The following LRFN2 variants were observed in gnomAD, a reference collection of about 807,000 sequenced individuals.
The protein encoded by LRFN2 is leucine-rich repeat and fibronectin type-III domain-containing protein 2.
LRFN2 carries 18 observed loss-of-function variants against 37.3 expected under a neutral mutation model. The ratio of observed to expected loss-of-function variants is 0.48; its 90% CI spans 0.33 to 0.72. The LOEUF is 0.72. Ranked by LOEUF, LRFN2 falls within the 30% of genes least tolerant of loss-of-function variation. LRFN2 has a pLI of 0.02. For synonymous variants in LRFN2, 556 were observed against 466.6 expected (o/e 1.19, Z -2.47); for missense variants, 1,006 against 1,060.7 (o/e 0.95, Z 0.72).
intron 1 of LRFN2, among the ~76,000 whole-genome samples, chr6:40,459,411 T>A (rs1481429583): frequency 6.6e-6 from 1 of 152,176 alleles, no homozygotes; most frequent in Non-Finnish European, 1.5e-5. Context: ...CTTGGAGAGG[T>A]TGTGTGTGAC....
In LRFN2 at chr6:40,391,852, A is replaced by G; in HGVS notation, c.*91T>C. The G allele has an allele frequency of 7.4e-7, 1 of 1,356,512 alleles. No homozygotes were observed. Among genetic ancestry groups the G allele is most frequent in the Non-Finnish European group, 9.9e-7 (1 of 1,012,492 alleles). The allele number at this position is 1,356,512 out of a possible 1,614,324, so 84.0% of individuals were successfully genotyped here. ...GACGAAACTGTCCCTGGATGTAAAC[A>G]TCACCATGGAAACTCCACAAACACT... On this transcript the variant is annotated 3_prime_UTR_variant, in exon 3 of 3. Transcript: ENST00000338305.
intron 2 of LRFN2, among the ~76,000 whole-genome samples, chr6:40,414,396 C>A (rs1414286628): frequency 6.6e-6 from 1 of 152,168 alleles, no homozygotes; most frequent in African/African-American, 2.4e-5. Context: ...CTCCTCCCCG[C>A]CGTAAAATCA....
intron 2 of LRFN2, among the ~76,000 whole-genome samples, chr6:40,413,920 G>A (rs939421694): frequency 1.7e-4 from 26 of 152,288 alleles, no homozygotes; most frequent in African/African-American, 5.5e-4. Context: ...TGATGGTTCC[G>A]GGGTTGTTAG....
At chr6:40,521,092 G>A (rs205527) in intron 1 of LRFN2, among the ~76,000 whole-genome samples, 307 of 152,248 alleles carry the variant, frequency 2.0e-3, no homozygotes, top group African/African-American at 6.9e-3. Flanking sequence ...GAGTCAGAGA[G>A]GACTGTGCAG....
chr6:40,540,911 T>A (rs961826550), intron 1 of LRFN2, among the ~76,000 whole-genome samples: 1 of 152,064 alleles, frequency 6.6e-6, no homozygotes, highest in Non-Finnish European at 1.5e-5. Flanking sequence ...CCAGAAGCGG[T>A]CTATCAGAGG....
intron 1 of LRFN2, among the ~76,000 whole-genome samples, chr6:40,453,777 A>T (rs1027560732): frequency 6.6e-6 from 1 of 152,134 alleles, no homozygotes; most frequent in Non-Finnish European, 1.5e-5. Context: ...GTGCCCAAGG[A>T]TCAGTAAGTC....
At chr6:40,454,221 C>T (rs531175821) in intron 1 of LRFN2, among the ~76,000 whole-genome samples, 40 of 152,278 alleles carry the variant, frequency 2.6e-4, no homozygotes, top group African/African-American at 9.1e-4. Flanking sequence ...GCTGGTGAGG[C>T]TGTAGGCAAA....
Position 40,573,292 on chromosome 6 carries a change from A to C in LRFN2, c.-19+13649T>G, listed in dbSNP as rs754390326. ...TACAGTTGGGGGGAATTTGGAAAGG[A>C]TAGGAGGCAAGCTGCAGCAGAGTGG... is the stretch of plus-strand genomic sequence containing the variant. On this transcript the variant is annotated intron_variant, in intron 1 of 2. Transcript: ENST00000338305. 2.6e-5 allele frequency among the ~76,000 whole-genome samples: 4 copies of C among 152,200 alleles called. No homozygotes were observed. In the East Asian group the frequency reaches 5.8e-4, roughly 22 times the overall value.
chr6:40,439,664 G>A (rs1306882682), intron 1 of LRFN2, among the ~76,000 whole-genome samples: 1 of 152,178 alleles, frequency 6.6e-6, no homozygotes, highest in Non-Finnish European at 1.5e-5. Flanking sequence ...GTGACATTCT[G>A]AGGTTTCATC....
At chr6:40,436,604 A>G (rs1291028266) in intron 1 of LRFN2, among the ~76,000 whole-genome samples, 10 of 151,936 alleles carry the variant, frequency 6.6e-5, no homozygotes, top group Non-Finnish European at 1.5e-5. Context: ...CCACCCTGCC[A>G]GTCCCTGTTC....
Position 40,432,485 on chromosome 6 carries a change from T to C in LRFN2, c.629A>G (p.Gln210Arg). The part of the protein sequence containing the change: ...ARLDLTSNRL[Q>R]KLPPDPIFAR... ...AAAGATGGGATCAGGGGGCAGCTTC[T>C]GCAGCCGATTGGAGGTGAGATCCAG... is the stretch of plus-strand genomic sequence containing the variant. Residue 210 changes from glutamine to arginine, a missense_variant, in exon 2 of 3, where the codon CAG (glutamine) becomes CGG (arginine). Transcript: ENST00000338305. The C allele has an allele frequency of 1.2e-6, 2 of 1,614,226 alleles. No homozygotes were observed. Among genetic ancestry groups the C allele is most frequent in the South Asian group, 2.2e-5 (2 of 91,084 alleles).
chr6:40,459,817 G>C (rs1337438424), intron 1 of LRFN2, among the ~76,000 whole-genome samples: 1 of 152,168 alleles, frequency 6.6e-6, no homozygotes, highest in African/African-American at 2.4e-5. Context: ...TTTAATCTTT[G>C]TCTCTGGCTA....
At chr6:40,501,366 G>A (rs1005629335) in intron 1 of LRFN2, among the ~76,000 whole-genome samples, 1 of 151,908 alleles carries the variant, frequency 6.6e-6, no homozygotes, top group African/African-American at 2.4e-5. Context: ...TGTCACCCAG[G>A]CTGGAGTGCA....
chr6:40,500,058 T>C, intron 1 of LRFN2, among the ~76,000 whole-genome samples: 1 of 152,344 alleles, frequency 6.6e-6, no homozygotes, highest in South Asian at 2.1e-4. Context: ...TCCCTGCCTG[T>C]GGGATGGATG....
At chr6:40,567,177 C>T (rs1343083030) in intron 1 of LRFN2, among the ~76,000 whole-genome samples, 5 of 152,186 alleles carry the variant, frequency 3.3e-5, no homozygotes, top group Admixed American at 2.6e-4. Flanking sequence ...CTTACTTAGC[C>T]TACCTAGCTT....
At chr6:40,408,407 T>C (rs1581683036) in intron 2 of LRFN2, among the ~76,000 whole-genome samples, 1 of 152,006 alleles carries the variant, frequency 6.6e-6, no homozygotes, top group Non-Finnish European at 1.5e-5. Flanking sequence ...GCTTGGGTGG[T>C]CCTGTCAGAT....
chr6:40,407,446 T>C (rs758090703), intron 2 of LRFN2, among the ~76,000 whole-genome samples: 7 of 152,218 alleles, frequency 4.6e-5, no homozygotes, highest in Non-Finnish European at 8.8e-5. Flanking sequence ...GGGAGAGTAA[T>C]ACTAGCCTTC....
chr6:40,496,792 G>T (rs1765238359), intron 1 of LRFN2, among the ~76,000 whole-genome samples: 1 of 152,026 alleles, frequency 6.6e-6, no homozygotes. Flanking sequence ...ACCCTTTGGG[G>T]CAAGGAGTTG....
intron 1 of LRFN2, among the ~76,000 whole-genome samples, chr6:40,518,715 A>C (rs1283220038): frequency 6.6e-6 from 1 of 152,182 alleles, no homozygotes. Flanking sequence ...ATTGTCATTC[A>C]ACCAATACAC....
Sources: allele counts gnomAD v4.1 joint callset (sites outside exome capture counted in the v4.1 genomes callset), GRCh38; gene constraint gnomAD v4.1.1; transcripts MANE v1.5; gene names NCBI Gene and HGNC (gene_info 2026-07-23, HGNC 2026-07-21).